Variants in SEMA3E observed in about 807,000 individuals in gnomAD.
The protein encoded by SEMA3E is semaphorin-3E.
Under a neutral mutation model 93.6 loss-of-function variants are expected in SEMA3E, and 49 were observed. The ratio of observed to expected loss-of-function variants is 0.52; its 90% confidence interval spans 0.42 to 0.66. The LOEUF (loss-of-function observed/expected upper bound fraction) is 0.66. SEMA3E is among the 30% of genes least tolerant of loss of function. SEMA3E has a pLI of 0.00. For synonymous variants in SEMA3E, 363 were observed against 330.7 expected (o/e 1.10, Z -1.06); for missense variants, 906 against 964.8 (o/e 0.94, Z 0.81).
intron 1 of SEMA3E, among the ~76,000 whole-genome samples, chr7:83,502,916 T>C (rs1284919106): frequency 6.6e-6 from 1 of 152,048 alleles, no homozygotes; most frequent in African/African-American, 2.4e-5. Context: ...CATTGTGAAA[T>C]AGGGATAATA....
At chr7:83,582,295 TAATAA>T (rs1429566290) in intron 1 of SEMA3E, among the ~76,000 whole-genome samples, 3 of 151,052 alleles carry the variant, frequency 2.0e-5, no homozygotes, top group Admixed American at 1.3e-4. Context: ...ATTAATGAAC[TAATAA>T]AATAGCAGAA....
intron 1 of SEMA3E, among the ~76,000 whole-genome samples, chr7:83,516,957 ATG>A (rs1790940961): frequency 1.3e-5 from 2 of 149,790 alleles, no homozygotes; most frequent in South Asian, 2.1e-4. Flanking sequence ...ATATATATAT[ATG>A]TATATAAAAT....
At chr7:83,471,474 A>G (rs1199618976) in intron 2 of SEMA3E, among the ~76,000 whole-genome samples, 3 of 152,032 alleles carry the variant, frequency 2.0e-5, no homozygotes, top group Admixed American at 2.0e-4. Flanking sequence ...AATGATTGGC[A>G]GGTCGGGTAA....
chr7:83,603,006 T>C (rs1028165324), intron 1 of SEMA3E, among the ~76,000 whole-genome samples: 1 of 152,300 alleles, frequency 6.6e-6, no homozygotes, highest in African/African-American at 2.4e-5. Context: ...TAAATTGAAT[T>C]GAGATTAAAA....
In SEMA3E at chr7:83,395,759, T is replaced by C. The variant is rs543958007; in HGVS notation, c.1458+879A>G. Among the ~76,000 whole-genome samples the C allele has an allele frequency of 7.3e-5, 9 of 123,856 alleles. 1 individual carries two copies. In the South Asian group the frequency reaches 3.3e-3, roughly 46 times the overall value. The allele number at this position is 123,856 out of a possible 152,430, so 81.3% of individuals were successfully genotyped here. ...AAATTCAAAAAAGCTGTGCTGTGCC[T>C]TAACGTTGAAAACTCTTAGATAAGC... On this transcript the variant is annotated intron_variant, in intron 12 of 16. Transcript: ENST00000643230.
rs190508366 is a variant in SEMA3E, at chr7:83,533,823, T to C, written c.116-43549A>G. 8.5e-5 allele frequency among the ~76,000 whole-genome samples: 13 copies of C among 152,246 alleles called. No homozygotes were observed. In the East Asian group the frequency reaches 2.5e-3, roughly 30 times the overall value. ...AAAGATATTTGGAATTGTGGCTGGCTGGCTGGCCCAGGCACAGCTGACTGG... is the reference window on the plus strand; with the variant it reads ...AAAGATATTTGGAATTGTGGCTGGCCGGCTGGCCCAGGCACAGCTGACTGG... On this transcript the variant is annotated intron_variant, in intron 1 of 16. Coordinates refer to ENST00000643230, the MANE Select transcript of SEMA3E (RefSeq NM_012431.3).
At chr7:83,504,112 C>T (rs924876447) in intron 1 of SEMA3E, among the ~76,000 whole-genome samples, 2 of 152,080 alleles carry the variant, frequency 1.3e-5, no homozygotes, top group Non-Finnish European at 2.9e-5. Context: ...AATGGTTGCA[C>T]CTTTAAAAAT....
intron 1 of SEMA3E, among the ~76,000 whole-genome samples, chr7:83,511,798 G>C (rs1166347686): frequency 6.6e-6 from 1 of 152,132 alleles, no homozygotes; most frequent in African/African-American, 2.4e-5. Context: ...GGGAGGCTGA[G>C]GCACGAGAAT....
At chr7:83,376,715 C>A (rs543162613) in intron 16 of SEMA3E, among the ~76,000 whole-genome samples, 1 of 152,030 alleles carries the variant, frequency 6.6e-6, no homozygotes, top group Admixed American at 6.6e-5. Context: ...GTTTTTCTGT[C>A]AATATACATT....
chr7:83,420,589 GT>G (rs1453969502), intron 4 of SEMA3E, among the ~76,000 whole-genome samples: 2 of 152,174 alleles, frequency 1.3e-5, no homozygotes, highest in Non-Finnish European at 2.9e-5. Context: ...CAAGACTACA[GT>G]AAGTATAACA....
chr7:83,396,041 A>ATGTGTG (rs3043167), intron 12 of SEMA3E, among the ~76,000 whole-genome samples: 14,622 of 148,980 alleles, frequency 0.098, 778 homozygotes, highest in East Asian at 0.17. Context: ...ATACGACTTG[A>ATGTGTG]TGTGTGTGTG....
At chr7:83,405,767 TC>T (rs1044066774) in intron 8 of SEMA3E, among the ~76,000 whole-genome samples, 177 bp downstream of exon 8, 1 of 152,086 alleles carries the variant, frequency 6.6e-6, no homozygotes, top group Non-Finnish European at 1.5e-5. Context: ...CTCTTTTTGT[TC>T]TTGCAATCCC....
At position 83,646,369 on chromosome 7, in the gene SEMA3E, C is replaced by T. The variant is rs557124709; in HGVS notation, c.115+2059G>A. Reference sequence around the variant, plus strand: ...GTGGGACTGAATATCCCTCCTCTGACAGTATATATGCTCTTCTTTTCACTG... The same window carrying T: ...GTGGGACTGAATATCCCTCCTCTGATAGTATATATGCTCTTCTTTTCACTG... On this transcript the variant is annotated intron_variant, in intron 1 of 16. Coordinates refer to ENST00000643230, the MANE Select transcript of SEMA3E (RefSeq NM_012431.3). 7.2e-5 allele frequency among the ~76,000 whole-genome samples: 11 copies of T among 152,136 alleles called. No individual in the cohort carries two copies. The East Asian group carries it at 2.1e-3, about 29-fold the overall frequency.
rs915448563 is a variant in SEMA3E, at chr7:83,367,200, A to C, written c.*386T>G. On this transcript the variant is annotated 3_prime_UTR_variant, in exon 17 of 17. Coordinates refer to ENST00000643230, the MANE Select transcript of SEMA3E (RefSeq NM_012431.3). Reference sequence around the variant, plus strand: ...TGTGATGGAAAAGAAAAATTCAGAAATATTAAAACATATTTAGTTTTATAT... The same window carrying C: ...TGTGATGGAAAAGAAAAATTCAGAACTATTAAAACATATTTAGTTTTATAT... 4 of 215,334 alleles carry C rather than the reference A, an allele frequency of 1.9e-5. No homozygotes were observed. Among genetic ancestry groups the C allele is most frequent in the African/African-American group, 7.1e-5 (3 of 42,282 alleles). The allele number at this position is 215,334 out of a possible 1,614,324, so 13.3% of individuals were successfully genotyped here. A position where few individuals can be genotyped will look rare whatever the true frequency, so the allele number is the denominator to read the frequency against.
chr7:83,402,759 T>C lies in SEMA3E; in HGVS notation c.1016A>G (p.His339Arg). 1 of 1,612,574 alleles carries C rather than the reference T, an allele frequency of 6.2e-7. No homozygotes were observed. ...FNTTSNIFRG[H>R]AICVYHMSSI... ...AGACATGTGATAGACACATATAGCA[T>C]GCCCTCGAAAAATATTACTGAAAAA... Residue 339 changes from histidine to arginine, a missense_variant, in exon 10 of 17, where the codon CAT becomes CGT. Transcript: ENST00000643230.
intron 4 of SEMA3E, among the ~76,000 whole-genome samples, chr7:83,422,769 G>T (rs544132032): frequency 6.6e-6 from 1 of 152,244 alleles, no homozygotes; most frequent in South Asian, 2.1e-4. Context: ...AACTGCAAGA[G>T]CAATACAAGT....
chr7:83,533,114 T>A (rs1246547039), intron 1 of SEMA3E, among the ~76,000 whole-genome samples: 3 of 152,142 alleles, frequency 2.0e-5, no homozygotes, highest in Admixed American at 6.6e-5. Flanking sequence ...CTCCTCCTTC[T>A]CCTCCACCTG....
At chr7:83,394,582 T>TGTCTC (rs1554319066) in intron 12 of SEMA3E, among the ~76,000 whole-genome samples, 1 of 151,242 alleles carries the variant, frequency 6.6e-6, no homozygotes, top group South Asian at 2.1e-4. Flanking sequence ...AGCTTACTGT[T>TGTCTC]TGGAATATGA....
At chr7:83,558,264 A>G (rs563719934) in intron 1 of SEMA3E, among the ~76,000 whole-genome samples, 1 of 152,170 alleles carries the variant, frequency 6.6e-6, no homozygotes, top group Non-Finnish European at 1.5e-5. Context: ...GTTCTGCCAC[A>G]TTGCTGTGAG....
Sources: allele counts gnomAD v4.1 joint callset (sites outside exome capture counted in the v4.1 genomes callset), GRCh38; gene constraint gnomAD v4.1.1; transcripts MANE v1.5; gene names NCBI Gene and HGNC (gene_info 2026-07-23, HGNC 2026-07-21).